The following PSAT1 variants were observed in gnomAD, a reference collection of about 807,000 sequenced individuals.
PSAT1 encodes the protein phosphoserine aminotransferase.
In PSAT1, 41 loss-of-function variants were observed where a neutral mutation model predicts 40.3. The ratio of observed to expected loss-of-function variants is 1.02; its 90% confidence interval spans 0.79 to 1.32. The LOEUF (loss-of-function observed/expected upper bound fraction) is 1.32, where lower values mean the gene tolerates loss of function less well. PSAT1 is among the 40% of genes most tolerant of loss of function. The pLI, the probability that PSAT1 is intolerant of heterozygous loss-of-function variation, is 0.00. For synonymous variants in PSAT1, 147 were observed against 170.5 expected, an observed-to-expected ratio of 0.86 and a Z score of 1.07; for missense variants, 406 against 455.8, an observed-to-expected ratio of 0.89 and a Z score of 0.99.
At chr9:78,301,933 T>TAAA in intron 2 of PSAT1, 21 bp from the exon 3 acceptor site, 3 of 1,571,528 alleles carry the variant, frequency 1.9e-6, no homozygotes, top group Non-Finnish European at 2.6e-6. Context: ...TTGTTATTGT[T>TAAA]GTTTATCTTT....
At chr9:78,299,465 A>C (rs188233008) in intron 1 of PSAT1, among the ~76,000 whole-genome samples, 196 of 151,558 alleles carry the variant, frequency 1.3e-3, no homozygotes, top group Admixed American at 3.9e-3. Context: ...GAAAACAATA[A>C]CACATTCTTA....
chr9:78,311,526 G>A (rs1386069889), intron 6 of PSAT1, among the ~76,000 whole-genome samples: 1 of 152,060 alleles, frequency 6.6e-6, no homozygotes, highest in Non-Finnish European at 1.5e-5. Flanking sequence ...ACCTTGAAGA[G>A]CATTTTTTTA....
In PSAT1 at chr9:78,304,592, A is replaced by G; in HGVS notation, c.192-143A>G. 4 of 799,196 alleles carry G rather than the reference A, an allele frequency of 5.0e-6. No individual in the cohort carries two copies. In the South Asian group the frequency reaches 5.9e-5, roughly 12 times the overall value. 49.5% of individuals were successfully genotyped at this position (799,196 alleles called of 1,614,324 possible). ...GATTGCATAAATAAATGAGTGAATTAGGGAAGACAAAGTAGTATTGTAACA... is the reference window on the plus strand; with the variant it reads ...GATTGCATAAATAAATGAGTGAATTGGGGAAGACAAAGTAGTATTGTAACA... On this transcript the variant is annotated intron_variant, in intron 3 of 8. Coordinates refer to ENST00000376588, the MANE Select transcript of PSAT1 (RefSeq NM_058179.4).
intron 7 of PSAT1, among the ~76,000 whole-genome samples, chr9:78,323,494 C>T (rs883815): frequency 0.078 from 11,921 of 152,076 alleles, 704 homozygotes; most frequent in East Asian, 0.29. Context: ...GCGGGAGGAT[C>T]GCTTGATCCC....
At chr9:78,328,846 G>T in intron 8 of PSAT1, 135 bp from the exon 9 acceptor site, 1 of 726,786 alleles carries the variant, frequency 1.4e-6, no homozygotes, top group East Asian at 2.7e-5. Flanking sequence ...GCCAGGTGTC[G>T]GGAGTTTTTA....
chr9:78,320,127 C>T (rs1828405250), intron 7 of PSAT1, among the ~76,000 whole-genome samples: 1 of 151,306 alleles, frequency 6.6e-6, no homozygotes. Context: ...CCCACTCACT[C>T]ATCCATCTAT....
At chr9:78,327,329 T>A (rs1587649321) in intron 7 of PSAT1, among the ~76,000 whole-genome samples, 1 of 151,990 alleles carries the variant, frequency 6.6e-6, no homozygotes, top group African/African-American at 2.4e-5. Flanking sequence ...GCTTGGAAGG[T>A]GCAAAGAGTC....
Position 78,304,612 on chromosome 9 carries a change from G to A in PSAT1, c.192-123G>A, listed in dbSNP as rs116308369. On this transcript the variant is annotated intron_variant, in intron 3 of 8. Transcript: ENST00000376588. Reference sequence around the variant, plus strand: ...GAATTAGGGAAGACAAAGTAGTATTGTAACATTACCATATTTCTTGTAGTA... The same window carrying A: ...GAATTAGGGAAGACAAAGTAGTATTATAACATTACCATATTTCTTGTAGTA... 3,572 of 921,878 alleles carry A rather than the reference G, an allele frequency of 3.9e-3. 63 individuals carry two copies. In the African/African-American group the frequency reaches 0.047, roughly 12 times the overall value. The allele number at this position is 921,878 out of a possible 1,614,324, so 57.1% of individuals were successfully genotyped here.
intron 2 of PSAT1, 70 bp downstream of exon 2, chr9:78,300,732 T>TTA (rs71360680): frequency 3.6e-6 from 5 of 1,391,096 alleles, no homozygotes; most frequent in Non-Finnish European, 4.7e-6. Flanking sequence ...TTTTTTTTTT[T>TTA]AGAGGCAGGG....
chr9:78,302,152 T>G (rs1564012579), intron 3 of PSAT1, 129 bp downstream of exon 3: 2 of 749,706 alleles, frequency 2.7e-6, no homozygotes, highest in Non-Finnish European at 4.7e-6. Context: ...CCTTGTAAGA[T>G]TCTCTCCAAT....
chr9:78,301,806 A>C (rs1828111206), intron 2 of PSAT1, 148 bp from the exon 3 acceptor site: 2 of 707,322 alleles, frequency 2.8e-6, no homozygotes. Flanking sequence ...ATGGTCCCCT[A>C]AACTAAGTGA....
chr9:78,300,511 C>T lies in PSAT1; in HGVS notation c.61-91C>T, dbSNP rs1264558837. The T allele has an allele frequency of 2.0e-6, 3 of 1,492,120 alleles. No individual in the cohort carries two copies. In the Admixed American group the frequency reaches 7.2e-5, roughly 36 times the overall value. 92.4% of individuals were successfully genotyped at this position (1,492,120 alleles called of 1,614,324 possible). On this transcript the variant is annotated intron_variant, in intron 1 of 8. Coordinates refer to ENST00000376588, the MANE Select transcript of PSAT1 (RefSeq NM_058179.4). ...AAGCCTGGGGACCTCACTGTAGACCCTTCCTTGTCCCCTCGTCAGGTTTGT... is the reference window on the plus strand; with the variant it reads ...AAGCCTGGGGACCTCACTGTAGACCTTTCCTTGTCCCCTCGTCAGGTTTGT...
At position 78,317,451 on chromosome 9, in the gene PSAT1, A is replaced by C. The variant is rs146018960; in HGVS notation, c.741-225A>C. Among the ~76,000 whole-genome samples the C allele has an allele frequency of 3.5e-3, 536 of 152,196 alleles. 1 individual carries two copies. Among genetic ancestry groups the C allele is most frequent in the African/African-American group, 0.012 (515 of 41,534 alleles). On this transcript the variant is annotated intron_variant, in intron 6 of 8. Coordinates refer to ENST00000376588, the MANE Select transcript of PSAT1 (RefSeq NM_058179.4). ...AATTTTTATGGAGACGGGTCTTGCTATGTTGCCTAGGCTGCTTTCCAACTC... is the reference window on the plus strand; with the variant it reads ...AATTTTTATGGAGACGGGTCTTGCTCTGTTGCCTAGGCTGCTTTCCAACTC...
chr9:78,305,663 C>T (rs886747057), intron 4 of PSAT1, among the ~76,000 whole-genome samples: 2 of 152,174 alleles, frequency 1.3e-5, no homozygotes, highest in Non-Finnish European at 2.9e-5. Flanking sequence ...GTAACGGTCT[C>T]ATGTCCTGTG....
intron 7 of PSAT1, among the ~76,000 whole-genome samples, chr9:78,325,002 G>A (rs1045088896): frequency 6.6e-6 from 1 of 151,938 alleles, no homozygotes; most frequent in Non-Finnish European, 1.5e-5. Flanking sequence ...TTAATTTACA[G>A]TTTGCGTTCA....
intron 6 of PSAT1, among the ~76,000 whole-genome samples, chr9:78,312,249 C>T (rs1261953382): frequency 6.6e-6 from 1 of 152,134 alleles, no homozygotes; most frequent in Non-Finnish European, 1.5e-5. Flanking sequence ...AGAAAAAGAT[C>T]CCTAAACTTC....
rs553879262 is a variant in PSAT1 at position 78,311,319 on chromosome 9, A to AG, written c.740+2739dup. Among the ~76,000 whole-genome samples the AG allele has an allele frequency of 3.3e-5, 5 of 152,278 alleles. 1 individual carries two copies. Among genetic ancestry groups the AG allele is most frequent in the Admixed American group, 3.3e-4 (5 of 15,296 alleles). ...TCCTTACCTGTTTGGAGATGGGGCC[A>AG]GGGCCTGCCTTGCAGCTAGAGGAGG... On this transcript the variant is annotated intron_variant, in intron 6 of 8. Transcript: ENST00000376588.
chr9:78,299,701 C>T (rs576115501), intron 1 of PSAT1, among the ~76,000 whole-genome samples: 20 of 151,874 alleles, frequency 1.3e-4, no homozygotes, highest in African/African-American at 4.8e-4. Context: ...TTAGTAGAGA[C>T]GGGGTTTCAC....
intron 3 of PSAT1, among the ~76,000 whole-genome samples, chr9:78,304,097 T>C (rs2118635114): frequency 6.6e-6 from 1 of 152,322 alleles, no homozygotes; most frequent in East Asian, 1.9e-4. Flanking sequence ...CACAGGATTA[T>C]TGGTTGCAAG....
Sources: gnomAD v4.1 joint callset for allele counts (sites outside exome capture counted in the v4.1 genomes callset) on GRCh38, gnomAD v4.1.1 for gene constraint, MANE v1.5 for transcripts, NCBI Gene and HGNC (gene_info 2026-07-23, HGNC 2026-07-21) for gene names.